RERE: variants seen among roughly 807,000 people sequenced by gnomAD.
RERE encodes the protein arginine-glutamic acid dipeptide repeats, also known as arginine-glutamic acid dipeptide repeats protein.
A neutral mutation model predicts 146.1 loss-of-function variants in RERE; 40 were observed. The ratio of observed to expected loss-of-function variants is 0.27; its 90% CI spans 0.21 to 0.36. The LOEUF (loss-of-function observed/expected upper bound fraction) is 0.36. RERE is among the 10% of genes least tolerant of loss of function. The pLI, the probability that RERE is intolerant of heterozygous loss-of-function variation, is 1.00. For synonymous variants in RERE, 1,003 were observed against 866.0 expected (o/e 1.16, Z -2.78); for missense variants, 1,933 against 2,138.7 (o/e 0.90, Z 1.90).
intron 1 of RERE, among the ~76,000 whole-genome samples, chr1:8,716,574 G>T (rs536004602): frequency 3.9e-5 from 6 of 152,072 alleles, no homozygotes; most frequent in Non-Finnish European, 8.8e-5. Flanking sequence ...CCTCTGAGAA[G>T]TGAAACTCAA....
intron 1 of RERE, among the ~76,000 whole-genome samples, chr1:8,802,401 C>T (rs1355419068): frequency 3.3e-5 from 5 of 152,192 alleles, no homozygotes; most frequent in Admixed American, 3.3e-4. Context: ...AAAATTGAAA[C>T]ACAATTTAAT....
intron 11 of RERE, among the ~76,000 whole-genome samples, chr1:8,442,938 T>C (rs1570246421): frequency 6.6e-6 from 1 of 152,192 alleles, no homozygotes; most frequent in African/African-American, 2.4e-5. Context: ...ATGGCTGTGT[T>C]GTGTTTCTGC....
chr1:8,582,530 T>C (rs927648307), intron 4 of RERE, among the ~76,000 whole-genome samples: 4 of 151,916 alleles, frequency 2.6e-5, no homozygotes, highest in South Asian at 2.1e-4. Context: ...CCACCACACT[T>C]GGCTATTATA....
chr1:8,627,597 CA>C (rs70982802), intron 2 of RERE, among the ~76,000 whole-genome samples: 52 of 125,270 alleles, frequency 4.2e-4, no homozygotes, highest in East Asian at 1.7e-3. Context: ...GAAACTGTCT[CA>C]AAAAAAAAAA....
intron 1 of RERE, among the ~76,000 whole-genome samples, chr1:8,723,586 A>G (rs916841108): frequency 6.6e-6 from 1 of 152,226 alleles, no homozygotes; most frequent in Non-Finnish European, 1.5e-5. Flanking sequence ...TGCTATGTAC[A>G]CTGAAATTTT....
rs555943791 is a variant in RERE, at chr1:8,635,524, T to A, written c.326-11144A>T. ...TTCACAACAGACTTCGTTCAACAAA[T>A]GAGTGCAGCTGCTCTAGGCCAATAT... On this transcript the variant is annotated intron_variant, in intron 2 of 22. Transcript: ENST00000400908. Among the ~76,000 whole-genome samples, 4 of 152,320 alleles carry A rather than the reference T, an allele frequency of 2.6e-5. No individual in the cohort carries two copies. The South Asian group carries it at 8.3e-4, about 32-fold the overall frequency.
chr1:8,651,083 G>C (rs1647605572), intron 2 of RERE, among the ~76,000 whole-genome samples: 1 of 151,646 alleles, frequency 6.6e-6, no homozygotes, highest in African/African-American at 2.4e-5. Context: ...GCAACAGGCT[G>C]AGACTACGTC....
intron 12 of RERE, among the ~76,000 whole-genome samples, chr1:8,405,553 A>G (rs979057934): frequency 6.6e-6 from 1 of 152,262 alleles, no homozygotes; most frequent in East Asian, 1.9e-4. Flanking sequence ...TCTGTTTAAA[A>G]TATTTATTGA....
chr1:8,551,208 G>A (rs1173208844), intron 6 of RERE, among the ~76,000 whole-genome samples: 4 of 152,168 alleles, frequency 2.6e-5, no homozygotes, highest in East Asian at 1.9e-4. Context: ...AGACACTTAC[G>A]ATCTCCTGTG....
At chr1:8,805,358 C>A (rs944487644) in intron 1 of RERE, among the ~76,000 whole-genome samples, 2 of 151,982 alleles carry the variant, frequency 1.3e-5, no homozygotes, top group African/African-American at 4.8e-5. Flanking sequence ...ACTAAAAATA[C>A]AAAAATTAAG....
intron 4 of RERE, among the ~76,000 whole-genome samples, chr1:8,577,181 AAG>A (rs1441434609): frequency 6.6e-6 from 1 of 152,024 alleles, no homozygotes; most frequent in Non-Finnish European, 1.5e-5. Flanking sequence ...AAAAAGATGA[AAG>A]AAAGAAATTT....
intron 4 of RERE, among the ~76,000 whole-genome samples, chr1:8,564,870 G>GTATATA (rs61426432): frequency 2.1e-4 from 27 of 127,400 alleles, no homozygotes; most frequent in Admixed American, 4.6e-4. Flanking sequence ...GTGTGTGTGT[G>GTATATA]TATATATATA....
Position 8,360,303 on chromosome 1 carries a change from T to C in RERE, c.3204A>G (p.Pro1068=). The C allele has an allele frequency of 2.6e-6, 4 of 1,543,428 alleles. No individual in the cohort carries two copies. Among genetic ancestry groups the C allele is most frequent in the Non-Finnish European group, 3.5e-6 (4 of 1,144,256 alleles). ...PPAGPGTSAQ[P]PCSGAAASGG... is the part of the protein sequence containing the mutation. ...CTGAAGCCGCCGCACCAGAGCAGGG[T>C]GGCTGGGCCGAGGTGCCAGGTCCCG... The change falls in exon 18 of 23, where the codon CCA becomes CCG. Residue 1068 remains proline (P), a synonymous_variant. Transcript: ENST00000400908.
intron 4 of RERE, among the ~76,000 whole-genome samples, chr1:8,608,594 T>A (rs1458062552): frequency 6.6e-6 from 1 of 152,096 alleles, no homozygotes; most frequent in Non-Finnish European, 1.5e-5. Context: ...TAAAGAGCAA[T>A]GCACTATCCC....
intron 1 of RERE, among the ~76,000 whole-genome samples, chr1:8,702,441 A>AG (rs1639473113): frequency 6.6e-6 from 1 of 152,232 alleles, no homozygotes; most frequent in African/African-American, 2.4e-5. Context: ...AAGAGAGGAG[A>AG]AACAAGGAAG....
chr1:8,477,746 GCC>G (rs1445169876), intron 10 of RERE, among the ~76,000 whole-genome samples: 1 of 152,146 alleles, frequency 6.6e-6, no homozygotes, highest in Non-Finnish European at 1.5e-5. Flanking sequence ...AGAAATAACT[GCC>G]CCCAATCCAA....
At chr1:8,455,425 T>C (rs149020807) in intron 11 of RERE, among the ~76,000 whole-genome samples, 32 of 152,198 alleles carry the variant, frequency 2.1e-4, no homozygotes, top group African/African-American at 7.2e-4. Context: ...CCATCACTCA[T>C]TCTCCCATAA....
intron 12 of RERE, among the ~76,000 whole-genome samples, chr1:8,390,237 G>C (rs1312953770): frequency 6.6e-6 from 1 of 152,140 alleles, no homozygotes; most frequent in Non-Finnish European, 1.5e-5. Context: ...CAGAAGAGCA[G>C]AGACCCCACT....
At chr1:8,472,621 C>T (rs1570296135) in intron 10 of RERE, among the ~76,000 whole-genome samples, 1 of 152,142 alleles carries the variant, frequency 6.6e-6, no homozygotes, top group Non-Finnish European at 1.5e-5. Flanking sequence ...GGATTAAATG[C>T]AATTTTAATG....
Sources: gnomAD v4.1 joint callset for allele counts (sites outside exome capture counted in the v4.1 genomes callset) on GRCh38, gnomAD v4.1.1 for gene constraint, MANE v1.5 for transcripts, NCBI Gene and HGNC (gene_info 2026-07-23, HGNC 2026-07-21) for gene names.